DSCAM: variants seen among roughly 807,000 people sequenced by gnomAD.
DSCAM encodes the protein cell adhesion molecule DSCAM.
In DSCAM, 47 loss-of-function variants were observed where a neutral mutation model predicts 217.7. The observed-to-expected ratio is 0.22, with a 90% CI of 0.17 to 0.28. The LOEUF (loss-of-function observed/expected upper bound fraction) is 0.28, where lower values mean the gene tolerates loss of function less well. DSCAM is among the 10% of genes least tolerant of loss of function. The pLI, the probability that DSCAM is intolerant of heterozygous loss-of-function variation, is 1.00. For missense variants in DSCAM, 2,080 were observed against 2,618.3 expected (o/e 0.79, Z 4.49); for synonymous variants, 1,056 against 1,015.3 (o/e 1.04, Z -0.76).
intron 3 of DSCAM, among the ~76,000 whole-genome samples, chr21:40,418,989 G>C (rs1246869172): frequency 6.6e-6 from 1 of 152,108 alleles, no homozygotes; most frequent in Non-Finnish European, 1.5e-5. Flanking sequence ...TATCTATTTT[G>C]AGATGGAGTC....
At position 40,478,245 on chromosome 21, in the gene DSCAM, T is replaced by C. The variant is rs372389659; in HGVS notation, c.509-109000A>G. Among the ~76,000 whole-genome samples, 4 of 152,324 alleles carry C rather than the reference T, an allele frequency of 2.6e-5. No individual in the cohort carries two copies. In the East Asian group the frequency reaches 5.8e-4, roughly 22 times the overall value. ...AATGAACATAACTCCATTTAGCTGTTTGGGGGAATTTGCATAGTTTTTTGA... is the reference window on the plus strand; with the variant it reads ...AATGAACATAACTCCATTTAGCTGTCTGGGGGAATTTGCATAGTTTTTTGA... On this transcript the variant is annotated intron_variant, in intron 3 of 32. Transcript: ENST00000400454.
chr21:40,363,779 A>G (rs1047320582), intron 4 of DSCAM, among the ~76,000 whole-genome samples: 1 of 152,206 alleles, frequency 6.6e-6, no homozygotes, highest in Non-Finnish European at 1.5e-5. Context: ...CAATCTACTC[A>G]TCTGACAAAG....
At chr21:40,731,427 C>T (rs141468123) in intron 1 of DSCAM, among the ~76,000 whole-genome samples, 86 of 152,178 alleles carry the variant, frequency 5.7e-4, no homozygotes, top group African/African-American at 2.0e-3. Context: ...GCTCATGGGG[C>T]GGTGAGTATA....
intron 1 of DSCAM, among the ~76,000 whole-genome samples, chr21:40,789,553 AT>A (rs3071032): frequency 0.17 from 21,990 of 128,352 alleles, 1,586 homozygotes; most frequent in African/African-American, 0.29. Flanking sequence ...GAGTAGATTG[AT>A]TTTTTTTTTT....
chr21:40,628,209 G>A (rs1216632025), intron 3 of DSCAM, among the ~76,000 whole-genome samples: 2 of 152,296 alleles, frequency 1.3e-5, no homozygotes, highest in East Asian at 1.9e-4. Flanking sequence ...GAATTCAGCA[G>A]AGTAGCATTA....
chr21:40,218,628 AT>A (rs554814731), intron 11 of DSCAM, among the ~76,000 whole-genome samples: 15 of 148,734 alleles, frequency 1.0e-4, no homozygotes, highest in East Asian at 6.0e-4. Context: ...TGAGCTTGGG[AT>A]TTTTTTTTTC....
At chr21:40,143,571 C>T (rs2090318263) in intron 17 of DSCAM, among the ~76,000 whole-genome samples, 1 of 152,210 alleles carries the variant, frequency 6.6e-6, no homozygotes, top group Non-Finnish European at 1.5e-5. Context: ...GCGGGCAGAT[C>T]ACGAGGTCAG....
intron 26 of DSCAM, among the ~76,000 whole-genome samples, chr21:40,077,310 T>C (rs185292146): frequency 1.3e-5 from 2 of 152,254 alleles, no homozygotes; most frequent in Admixed American, 1.3e-4. Context: ...GAGAAGGATG[T>C]TGTGGAAAAA....
intron 10 of DSCAM, among the ~76,000 whole-genome samples, chr21:40,285,805 C>T (rs567129681): frequency 3.4e-4 from 51 of 152,218 alleles, no homozygotes; most frequent in African/African-American, 1.1e-3. Flanking sequence ...GCCTTCTTCT[C>T]GTTTTTGGAT....
At position 40,598,011 on chromosome 21, in the gene DSCAM, T is replaced by C. The variant is rs190872489; in HGVS notation, c.508+94799A>G. 2.0e-3 allele frequency among the ~76,000 whole-genome samples: 298 copies of C among 152,342 alleles called. 2 individuals are homozygous for C. Among genetic ancestry groups the C allele is most frequent in the African/African-American group, 6.9e-3 (285 of 41,578 alleles). On this transcript the variant is annotated intron_variant, in intron 3 of 32. Transcript: ENST00000400454. Reference sequence around the variant, plus strand: ...TGTGTGTTGTACGTTCTGTGCCTTCTGACAAATGTATAATGTCATGTATTC... The same window carrying C: ...TGTGTGTTGTACGTTCTGTGCCTTCCGACAAATGTATAATGTCATGTATTC...
chr21:40,114,212 G>C (rs1235601), intron 20 of DSCAM, among the ~76,000 whole-genome samples: 45,921 of 141,606 alleles, frequency 0.32, 9,187 homozygotes, highest in South Asian at 0.56. Context: ...TACCAAAACA[G>C]AGATATAGAC....
At chr21:40,199,277 G>C (rs1374923911) in intron 11 of DSCAM, among the ~76,000 whole-genome samples, 11 of 152,162 alleles carry the variant, frequency 7.2e-5, no homozygotes, top group Non-Finnish European at 1.5e-4. Context: ...AACACCCACA[G>C]TATGCTGAGA....
At chr21:40,179,291 G>T (rs1353877638) in intron 14 of DSCAM, among the ~76,000 whole-genome samples, 197 bp from the exon 15 acceptor site, 2 of 151,930 alleles carry the variant, frequency 1.3e-5, no homozygotes, top group Admixed American at 6.6e-5. Flanking sequence ...GCCATCAGAG[G>T]GGATGTGACA....
intron 3 of DSCAM, among the ~76,000 whole-genome samples, chr21:40,559,185 A>G (rs2076696111): frequency 8.0e-6 from 1 of 125,356 alleles, no homozygotes; most frequent in Non-Finnish European, 1.8e-5. Context: ...TAGGCCGGGC[A>G]CGGTGGCTCA....
chr21:40,070,363 G>A (rs911271834), intron 27 of DSCAM, among the ~76,000 whole-genome samples: 3 of 146,594 alleles, frequency 2.0e-5, no homozygotes, highest in African/African-American at 7.6e-5. Flanking sequence ...GAGGGAAGGA[G>A]GGAGGGAAGG....
chr21:40,348,254 G>GCAATCATACCAATCACACTCCACACA (rs2074584297), intron 5 of DSCAM, among the ~76,000 whole-genome samples: 2 of 131,034 alleles, frequency 1.5e-5, no homozygotes, highest in African/African-American at 3.0e-5. Context: ...TACCCCATAC[G>GCAATCATACCAATCACACTCCACACA]GTTCCTATCA....
chr21:40,158,791 C>T (rs1288245927), intron 16 of DSCAM, among the ~76,000 whole-genome samples: 2 of 152,160 alleles, frequency 1.3e-5, no homozygotes, highest in South Asian at 2.1e-4. Context: ...TATAATTACT[C>T]AAAGCACAAA....
At chr21:40,422,067 G>C (rs13050836) in intron 3 of DSCAM, among the ~76,000 whole-genome samples, 23,214 of 152,222 alleles carry the variant, frequency 0.15, 1,817 homozygotes, top group Admixed American at 0.24. Flanking sequence ...TGGCAATTAT[G>C]AGCATATCCA....
Position 40,521,539 on chromosome 21 carries a change from T to C in DSCAM, c.509-152294A>G, listed in dbSNP as rs112430064. On this transcript the variant is annotated intron_variant, in intron 3 of 32. Coordinates refer to ENST00000400454, the MANE Select transcript of DSCAM (RefSeq NM_001389.5). ...TGCTGAGAATGTTTTCATATACCTG[T>C]TGTCCATTTGTATATCTTCTTTTTA... Among the ~76,000 whole-genome samples the C allele has an allele frequency of 4.4e-3, 668 of 151,100 alleles. 4 individuals carry two copies. Among genetic ancestry groups the C allele is most frequent in the Middle Eastern group, 0.024 (7 of 288 alleles).
Sources: gnomAD v4.1 joint callset for allele counts (sites outside exome capture counted in the v4.1 genomes callset) on GRCh38, gnomAD v4.1.1 for gene constraint, MANE v1.5 for transcripts, NCBI Gene and HGNC (gene_info 2026-07-23, HGNC 2026-07-21) for gene names.